The following FAM221A variants were observed in gnomAD, a reference collection of about 807,000 sequenced individuals.
FAM221A encodes the protein protein FAM221A.
A neutral mutation model predicts 37.6 loss-of-function variants in FAM221A; 43 were observed. The observed-to-expected ratio is 1.15, with a 90% CI of 0.90 to 1.48. FAM221A has a LOEUF of 1.48. FAM221A is among the 40% of genes most tolerant of loss of function. The pLI, the probability that FAM221A is intolerant of heterozygous loss-of-function variation, is 0.00. For synonymous variants in FAM221A, 135 were observed against 132.9 expected (o/e 1.02, Z -0.11); for missense variants, 361 against 361.5 (o/e 1.00, Z 0.01).
chr7:23,690,451 C>T (rs1156856919), intron 3 of FAM221A, among the ~76,000 whole-genome samples: 2 of 151,884 alleles, frequency 1.3e-5, no homozygotes, highest in Non-Finnish European at 2.9e-5. Flanking sequence ...GTGATCTGCC[C>T]ACCTTGGCCT....
At position 23,684,221 on chromosome 7, in the gene FAM221A, G is replaced by A. The variant is rs6461724; in HGVS notation, c.66-278G>A. Among the ~76,000 whole-genome samples, 51,088 of 151,912 alleles carry A rather than the reference G, an allele frequency of 0.34. 9,077 individuals carry two copies. Among genetic ancestry groups the A allele is most frequent in the African/African-American group, 0.45 (18,641 of 41,400 alleles). On this transcript the variant is annotated intron_variant, in intron 1 of 6. Coordinates refer to ENST00000344962, the MANE Select transcript of FAM221A (RefSeq NM_199136.5). ...TTCCTTCGTTATGTTGTCATGCTTCGAGGCCCAGGAAAGGCCTGGGCAAAC... is the reference window on the plus strand; with the variant it reads ...TTCCTTCGTTATGTTGTCATGCTTCAAGGCCCAGGAAAGGCCTGGGCAAAC...
intron 4 of FAM221A, chr7:23,692,548 G>A (rs1387395694): frequency 2.5e-6 from 1 of 405,350 alleles, no homozygotes; most frequent in Non-Finnish European, 3.3e-6. Flanking sequence ...CTCCATGTTG[G>A]TCAGGCTGGT....
chr7:23,685,223 G>C (rs1175740750), intron 2 of FAM221A, among the ~76,000 whole-genome samples: 1 of 152,022 alleles, frequency 6.6e-6, no homozygotes, highest in Admixed American at 6.6e-5. Context: ...ACACCAGCCT[G>C]AGTGGCAGTG....
Position 23,689,404 on chromosome 7 carries a change from G to A in FAM221A, c.375G>A (p.Arg125=). The A allele has an allele frequency of 6.2e-7, 1 of 1,606,408 alleles. No individual in the cohort carries two copies. The highest frequency in any genetic ancestry group is 8.5e-7 in the Non-Finnish European group (1 of 1,174,128). ...ATGGTAGCCAGCCCATTCGCTGCAG[G>A]TGCAAACACTTTGCTGATCAGCACA... is the stretch of plus-strand genomic sequence containing the variant. ...PLNGSQPIRC[R]CKHFADQHSA... Residue 125 remains arginine, a synonymous_variant, in exon 3 of 7, where the codon AGG becomes AGA. Coordinates refer to ENST00000344962, the MANE Select transcript of FAM221A (RefSeq NM_199136.5).
At chr7:23,686,456 G>A (rs2128038142) in intron 2 of FAM221A, 1 of 300,378 alleles carries the variant, frequency 3.3e-6, no homozygotes, top group South Asian at 2.6e-5. Flanking sequence ...GTAGAGAAGT[G>A]GTTTGGCTTT....
chr7:23,680,311 C>G (rs1178375770), intron 1 of FAM221A, 28 bp downstream of exon 1: 2 of 1,510,276 alleles, frequency 1.3e-6, no homozygotes, highest in Admixed American at 4.1e-5. Flanking sequence ...GGCCTGCCCC[C>G]CCGCCGCTCC....
intron 1 of FAM221A, 45 bp from the exon 2 acceptor site, chr7:23,684,454 A>G (rs766201427): frequency 2.2e-5 from 31 of 1,395,696 alleles, no homozygotes; most frequent in South Asian, 1.2e-4. Context: ...CTCACCCAGA[A>G]AATAAATACT....
At chr7:23,683,158 C>G (rs1422804001) in intron 1 of FAM221A, among the ~76,000 whole-genome samples, 1 of 152,150 alleles carries the variant, frequency 6.6e-6, no homozygotes, top group Non-Finnish European at 1.5e-5. Flanking sequence ...TGTGACTTTT[C>G]AAGGGGAGTA....
intron 2 of FAM221A, chr7:23,687,249 G>C (rs1260180483): frequency 1.3e-5 from 2 of 152,420 alleles, no homozygotes; most frequent in East Asian, 3.9e-4. Context: ...CTCCGGAGCT[G>C]TGAGGGAGCC....
chr7:23,690,199 A>ATATATATTTTTTTTTT (rs774313037), intron 3 of FAM221A, among the ~76,000 whole-genome samples: 5 of 48,738 alleles, frequency 1.0e-4, no homozygotes, highest in East Asian at 8.5e-4. Context: ...ATATATATAT[A>ATATATATTTTTTTTTT]TTTTTTTTTT....
In FAM221A at chr7:23,684,784, A is replaced by G. The variant is rs1328622193; in HGVS notation, c.239+112A>G. The stretch of plus-strand genomic sequence containing the variant: ...AACATTTAACAATTGTCCTTTATAT[A>G]GTAGAGTAGAAATTATCAGCTGGGG... On this transcript the variant is annotated intron_variant, in intron 2 of 6. Transcript: ENST00000344962. The G allele has an allele frequency of 3.0e-6, 3 of 1,016,012 alleles. No homozygotes were observed. In the African/African-American group the frequency reaches 4.9e-5, roughly 17 times the overall value. 62.9% of individuals were successfully genotyped at this position (1,016,012 alleles called of 1,614,324 possible). A position where few individuals can be genotyped will look rare whatever the true frequency, so the allele number is the denominator to read the frequency against.
At chr7:23,700,546 G>A (rs1323729262) in intron 5 of FAM221A, among the ~76,000 whole-genome samples, 3 of 152,100 alleles carry the variant, frequency 2.0e-5, no homozygotes, top group Non-Finnish European at 4.4e-5. Flanking sequence ...TAGCTATATG[G>A]TGCTATTTAA....
chr7:23,702,367 A>G lies in FAM221A; in HGVS notation c.*203A>G. The G allele has an allele frequency of 5.8e-6, 2 of 343,818 alleles. No individual in the cohort carries two copies. The highest frequency in any genetic ancestry group is 1.1e-5 in the Non-Finnish European group (2 of 186,244). The allele number at this position is 343,818 out of a possible 1,614,324, so 21.3% of individuals were successfully genotyped here. On this transcript the variant is annotated 3_prime_UTR_variant, in exon 7 of 7. Transcript: ENST00000344962. ...ACTCATAATTTACTACTTTGTATGT[A>G]CCTTTCTTTCTCCTGACAAATGAGG...
intron 2 of FAM221A, among the ~76,000 whole-genome samples, chr7:23,685,337 G>A (rs1453599715): frequency 1.3e-5 from 2 of 152,066 alleles, no homozygotes; most frequent in East Asian, 3.9e-4. Context: ...GGTTTTTAAA[G>A]CTATAATTAA....
chr7:23,689,835 GTC>G (rs1246425067), intron 3 of FAM221A, among the ~76,000 whole-genome samples: 1 of 152,080 alleles, frequency 6.6e-6, no homozygotes, highest in East Asian at 1.9e-4. Flanking sequence ...CATTTTATAA[GTC>G]AAAAAACTTT....
intron 4 of FAM221A, chr7:23,694,982 T>G (rs1206030201): frequency 6.6e-6 from 1 of 152,230 alleles, no homozygotes; most frequent in African/African-American, 2.4e-5. Flanking sequence ...AATAATTTTT[T>G]TTTTAAAGAT....
intron 4 of FAM221A, chr7:23,692,262 G>GTT: frequency 9.5e-6 from 7 of 735,172 alleles, no homozygotes; most frequent in Non-Finnish European, 1.2e-5. Flanking sequence ...AGGTGTGTAA[G>GTT]TTTTTTTTTT....
In FAM221A at chr7:23,680,276, T is replaced by G; in HGVS notation, c.58T>G (p.Tyr20Asp). 1 of 1,546,948 alleles carries G rather than the reference T, an allele frequency of 6.5e-7. No individual in the cohort carries two copies. The highest frequency in any genetic ancestry group is 8.7e-7 in the Non-Finnish European group (1 of 1,145,232). The change falls in exon 1 of 7, where the codon TAC becomes GAC. Residue 20 changes from tyrosine (Y) to aspartate (D), a missense_variant. By Grantham distance (160) the Tyr-to-Asp change is radical. Transcript: ENST00000344962. ...GGCGGCGGTGGACGAGTACCTGGAG[T>G]ACCGGAGGTGAGGCTGTGGCTCCGG... ...GAAAVDEYLEYRRIVGEDDGG... is the reference protein window; with the variant it reads ...GAAAVDEYLEDRRIVGEDDGG...
intron 2 of FAM221A, chr7:23,688,423 A>C (rs915844486): frequency 6.6e-6 from 1 of 152,230 alleles, no homozygotes; most frequent in African/African-American, 2.4e-5. Context: ...TATGAGAAGA[A>C]AGTGAGTGAT....
Sources: gnomAD v4.1 joint callset for allele counts (sites outside exome capture counted in the v4.1 genomes callset) on GRCh38, gnomAD v4.1.1 for gene constraint, MANE v1.5 for transcripts, NCBI Gene and HGNC (gene_info 2026-07-23, HGNC 2026-07-21) for gene names.